Variants in CCT3 observed in about 807,000 individuals in gnomAD.
CCT3 encodes the protein T-complex protein 1 subunit gamma.
Under a neutral mutation model 65.3 loss-of-function variants are expected in CCT3, and 10 were observed. That is an observed-to-expected ratio of 0.15 (90% CI 0.09 to 0.26). CCT3 has a LOEUF of 0.26. CCT3 is among the 10% of genes least tolerant of loss of function. The pLI is 1.00. For synonymous variants in CCT3, 225 were observed against 242.3 expected (o/e 0.93, Z 0.66); for missense variants, 626 against 708.7 (o/e 0.88, Z 1.33).
chr1:156,324,865 G>A (rs765397346), intron 6 of CCT3, 107 bp downstream of exon 6: 2 of 700,822 alleles, frequency 2.9e-6, no homozygotes, highest in Non-Finnish European at 5.1e-6. Context: ...CTGACCTCAA[G>A]ATCCACCCGC....
intron 1 of CCT3, chr1:156,336,972 A>G: frequency 1.7e-6 from 1 of 582,740 alleles, no homozygotes; most frequent in Non-Finnish European, 2.4e-6. Flanking sequence ...GATAATGAAT[A>G]ATAACTCTGA....
rs753884881 is a variant in CCT3 at position 156,333,655 on chromosome 1, G to A, written c.208-12C>T. ...TGCTGGACTTGAATCTAAAAAGGTAGATCACTAGTGAATTCACACTATTCA... is the reference window on the plus strand; with the variant it reads ...TGCTGGACTTGAATCTAAAAAGGTAAATCACTAGTGAATTCACACTATTCA... On this transcript the variant is annotated splice_polypyrimidine_tract_variant and intron_variant, in intron 4 of 13. Coordinates refer to ENST00000295688, the MANE Select transcript of CCT3 (RefSeq NM_005998.5). 6.2e-7 allele frequency: 1 copy of A among 1,604,344 alleles called. No homozygotes were observed. Among genetic ancestry groups the A allele is most frequent in the African/African-American group, 1.3e-5 (1 of 74,710 alleles).
chr1:156,323,894 C>G (rs1052942293), intron 6 of CCT3, among the ~76,000 whole-genome samples: 4 of 152,010 alleles, frequency 2.6e-5, no homozygotes, highest in Non-Finnish European at 4.4e-5. Context: ...CCCCGAGTAG[C>G]TGGGATTACA....
At chr1:156,314,319 G>A (rs552910933) in intron 10 of CCT3, among the ~76,000 whole-genome samples, 5 of 152,288 alleles carry the variant, frequency 3.3e-5, no homozygotes, top group South Asian at 4.1e-4. Context: ...GAAAGAGACT[G>A]TGGATGTGGC....
rs567154523 is a variant in CCT3 at position 156,329,492 on chromosome 1, A to C, written c.304+4055T>G. On this transcript the variant is annotated intron_variant, in intron 5 of 13. Transcript: ENST00000295688. ...AGCTCATTTTTTGTATTTTTAGCAA[A>C]GACAGGGTTTCACCATGTTGGTCAG... 5.9e-4 allele frequency among the ~76,000 whole-genome samples: 90 copies of C among 151,908 alleles called. 1 individual carries two copies. The highest frequency in any genetic ancestry group is 6.8e-3 in the Middle Eastern group (2 of 294).
chr1:156,310,738 T>A, intron 12 of CCT3, 49 bp from the exon 13 acceptor site: 1 of 1,603,560 alleles, frequency 6.2e-7, no homozygotes, highest in Non-Finnish European at 8.5e-7. Flanking sequence ...ACAGGAAACA[T>A]CAGGTAAGAA....
At chr1:156,326,714 G>C (rs1433613992) in intron 5 of CCT3, among the ~76,000 whole-genome samples, 1 of 150,762 alleles carries the variant, frequency 6.6e-6, no homozygotes, top group Non-Finnish European at 1.5e-5. Context: ...CTCTGGATAA[G>C]GGATTATTGG....
At chr1:156,315,793 T>C (rs1361107945) in intron 10 of CCT3, among the ~76,000 whole-genome samples, 1 of 152,152 alleles carries the variant, frequency 6.6e-6, no homozygotes, top group Non-Finnish European at 1.5e-5. Flanking sequence ...AAAATATACT[T>C]TGTGGTTACT....
chr1:156,337,088 A>G, intron 1 of CCT3: 1 of 1,285,966 alleles, frequency 7.8e-7, no homozygotes, highest in Non-Finnish European at 1.0e-6. Context: ...CCAAAGGAAG[A>G]CAATGGAGGT....
intron 10 of CCT3, among the ~76,000 whole-genome samples, chr1:156,316,715 A>G (rs1175057607): frequency 6.6e-6 from 1 of 152,228 alleles, no homozygotes; most frequent in Non-Finnish European, 1.5e-5. Context: ...ATGGTCTATG[A>G]GCACAGACAT....
At chr1:156,327,077 C>A (rs921298319) in intron 5 of CCT3, among the ~76,000 whole-genome samples, 4 of 152,162 alleles carry the variant, frequency 2.6e-5, no homozygotes, top group African/African-American at 7.2e-5. Context: ...TTTGTCTTTA[C>A]TTTCTAATAG....
chr1:156,310,597 T>A lies in CCT3; in HGVS notation c.1494A>T (p.Pro498=). 1 of 1,613,938 alleles carries A rather than the reference T, an allele frequency of 6.2e-7. No individual in the cohort carries two copies. Among genetic ancestry groups the A allele is most frequent in the Non-Finnish European group, 8.5e-7 (1 of 1,179,838 alleles). Reference sequence around the variant, plus strand: ...TATAAGTCTGCAGCTTCACAGCCAATGGCTCCCATATGCCCAGTTCCTTCA... The same window carrying A: ...TATAAGTCTGCAGCTTCACAGCCAAAGGCTCCCATATGCCCAGTTCCTTCA... ...VDMKELGIWE[P]LAVKLQTYKT... The change falls in exon 13 of 14, where the codon CCA becomes CCT. Residue 498 remains proline, a synonymous_variant. Coordinates refer to ENST00000295688, the MANE Select transcript of CCT3 (RefSeq NM_005998.5).
At chr1:156,309,908 G>A (rs1012596963) in intron 13 of CCT3, among the ~76,000 whole-genome samples, 3 of 151,198 alleles carry the variant, frequency 2.0e-5, no homozygotes, top group African/African-American at 7.3e-5. Flanking sequence ...TGTGGTGGCA[G>A]GCACCTGTAA....
chr1:156,318,497 G>A (rs778829525), intron 8 of CCT3, among the ~76,000 whole-genome samples: 87 of 152,100 alleles, frequency 5.7e-4, no homozygotes, highest in Admixed American at 4.2e-3. Flanking sequence ...AGAATTATAG[G>A]TGTGAGCCAC....
chr1:156,334,223 G>C (rs1665232199), intron 4 of CCT3, among the ~76,000 whole-genome samples: 1 of 139,220 alleles, frequency 7.2e-6, no homozygotes. Context: ...TGGGTGACAA[G>C]AGCGAGACTC....
chr1:156,330,239 T>A (rs914414594), intron 5 of CCT3, among the ~76,000 whole-genome samples: 1 of 152,196 alleles, frequency 6.6e-6, no homozygotes, highest in Admixed American at 6.6e-5. Flanking sequence ...TCCTCTTTCA[T>A]CCTTCCAGGT....
intron 6 of CCT3, among the ~76,000 whole-genome samples, chr1:156,324,677 G>GA (rs1325952336): frequency 1.3e-5 from 2 of 151,990 alleles, no homozygotes; most frequent in Non-Finnish European, 2.9e-5. Flanking sequence ...CACCAGGCTG[G>GA]AGCACAGTGG....
intron 5 of CCT3, 186 bp downstream of exon 5, chr1:156,333,361 C>A: frequency 1.8e-6 from 1 of 551,690 alleles, no homozygotes; most frequent in South Asian, 2.2e-5. Context: ...GTTTATCAGC[C>A]AGATTTGCAT....
chr1:156,315,516 T>C (rs755331271), intron 10 of CCT3, among the ~76,000 whole-genome samples: 1 of 152,202 alleles, frequency 6.6e-6, no homozygotes, highest in Non-Finnish European at 1.5e-5. Flanking sequence ...GCCCTTATGA[T>C]TTTCTTAATA....
Sources: gnomAD v4.1 joint callset for allele counts (sites outside exome capture counted in the v4.1 genomes callset) on GRCh38, gnomAD v4.1.1 for gene constraint, MANE v1.5 for transcripts, NCBI Gene and HGNC (gene_info 2026-07-23, HGNC 2026-07-21) for gene names.